Variants in SEMA3E observed in about 807,000 individuals in gnomAD.
SEMA3E encodes semaphorin 3E, also known as semaphorin-3E.
A neutral mutation model predicts 93.6 loss-of-function variants in SEMA3E; 49 were observed. The observed-to-expected ratio is 0.52, with a 90% CI of 0.42 to 0.66. SEMA3E has a LOEUF of 0.66. Ranked by LOEUF, SEMA3E falls within the 30% of genes least tolerant of loss-of-function variation. SEMA3E has a pLI of 0.00. For synonymous variants in SEMA3E, 363 were observed against 330.7 expected (o/e 1.10, Z -1.06); for missense variants, 906 against 964.8 (o/e 0.94, Z 0.81).
intron 4 of SEMA3E, among the ~76,000 whole-genome samples, chr7:83,463,554 C>T (rs1174630213): frequency 6.6e-6 from 1 of 152,142 alleles, no homozygotes; most frequent in Non-Finnish European, 1.5e-5. Flanking sequence ...ACCTGACCCC[C>T]ATGACTGTAT....
intron 15 of SEMA3E, among the ~76,000 whole-genome samples, chr7:83,386,175 G>A (rs1163022410): frequency 6.6e-6 from 1 of 152,030 alleles, no homozygotes; most frequent in East Asian, 1.9e-4. Context: ...TAAGATGAAG[G>A]TCCTACTTTT....
Position 83,367,836 on chromosome 7 carries a change from C to G in SEMA3E, c.2078G>C (p.Arg693Thr). The G allele has an allele frequency of 1.2e-6, 2 of 1,613,696 alleles. No homozygotes were observed. Among genetic ancestry groups the G allele is most frequent in the Non-Finnish European group, 1.7e-6 (2 of 1,179,676 alleles). Reference protein sequence around the residue: ...NKDDEEDRHHRMPCPAQSSIS... With the variant: ...NKDDEEDRHHTMPCPAQSSIS... ...GCTACTCTGAGCAGGACAAGGCATC[C>G]TGTGATGCCTGTCCTCCTCATCGTC... The change falls in exon 17 of 17, where the codon AGG (arginine) becomes ACG (threonine). Residue 693 changes from arginine to threonine, a missense_variant. Arg to Thr is a moderately conservative substitution (Grantham distance 71). Transcript: ENST00000643230.
chr7:83,509,300 A>G (rs956645701), intron 1 of SEMA3E, among the ~76,000 whole-genome samples: 10 of 152,158 alleles, frequency 6.6e-5, no homozygotes, highest in African/African-American at 2.4e-4. Flanking sequence ...GTTTAGGGGT[A>G]GGGGGAAAAC....
intron 1 of SEMA3E, among the ~76,000 whole-genome samples, chr7:83,625,140 G>C (rs917756031): frequency 6.6e-6 from 1 of 151,988 alleles, no homozygotes; most frequent in Non-Finnish European, 1.5e-5. Context: ...TTGCAGTATA[G>C]TTTGAAGTCA....
chr7:83,560,299 G>A (rs1792002054), intron 1 of SEMA3E, among the ~76,000 whole-genome samples: 1 of 152,052 alleles, frequency 6.6e-6, no homozygotes, highest in South Asian at 2.1e-4. Flanking sequence ...GATAAGACGG[G>A]AGGCTACGCA....
chr7:83,518,253 A>G (rs17157692), intron 1 of SEMA3E, among the ~76,000 whole-genome samples: 18,030 of 152,056 alleles, frequency 0.12, 1,399 homozygotes, highest in South Asian at 0.21. Flanking sequence ...GAACACTAAG[A>G]ACTCGACTGA....
rs1794630396 is a variant in SEMA3E, at chr7:83,364,138, C to G, written c.*3448G>C. The G allele has an allele frequency of 6.6e-6, 1 of 151,758 alleles. No individual in the cohort carries two copies. Among genetic ancestry groups the G allele is most frequent in the Admixed American group, 6.6e-5 (1 of 15,236 alleles). The allele number at this position is 151,758 out of a possible 1,614,324, so 9.4% of individuals were successfully genotyped here. A position where few individuals can be genotyped will look rare whatever the true frequency, so the allele number is the denominator to read the frequency against. ...CTCGATCTCCTGACCTCATGATCCA[C>G]CCGCCTCGGCCTCCCAAAGTGCTGG... On this transcript the variant is annotated 3_prime_UTR_variant, in exon 17 of 17. Coordinates refer to ENST00000643230, the MANE Select transcript of SEMA3E (RefSeq NM_012431.3).
intron 1 of SEMA3E, among the ~76,000 whole-genome samples, chr7:83,508,755 G>A (rs1046528364): frequency 1.3e-5 from 2 of 152,020 alleles, no homozygotes; most frequent in African/African-American, 4.8e-5. Context: ...CAAGTATTTA[G>A]CACATTTCTC....
intron 1 of SEMA3E, among the ~76,000 whole-genome samples, chr7:83,530,695 G>A (rs1039579728): frequency 4.6e-5 from 7 of 152,072 alleles, no homozygotes; most frequent in Admixed American, 2.0e-4. Context: ...TGACCAAAAT[G>A]GTGAAACCCC....
In SEMA3E at chr7:83,617,510, A is replaced by ATTTTATATAAG. The variant is rs61059827; in HGVS notation, c.115+30917_115+30918insCTTATATAAAA. ...ATAAATAATATATAATTTTATATAA[A>ATTTTATATAAG]TAATATATAATTTTATATAAATTTT... is the stretch of plus-strand genomic sequence containing the variant. On this transcript the variant is annotated intron_variant, in intron 1 of 16. Coordinates refer to ENST00000643230, the MANE Select transcript of SEMA3E (RefSeq NM_012431.3). Among the ~76,000 whole-genome samples the ATTTTATATAAG allele has an allele frequency of 4.3e-4, 26 of 60,094 alleles. 1 individual carries two copies. Among genetic ancestry groups the ATTTTATATAAG allele is most frequent in the African/African-American group, 6.9e-4 (12 of 17,372 alleles). The allele number at this position is 60,094 out of a possible 152,430, so 39.4% of individuals were successfully genotyped here.
chr7:83,440,782 A>G (rs1789096856), intron 4 of SEMA3E, among the ~76,000 whole-genome samples: 1 of 139,954 alleles, frequency 7.1e-6, no homozygotes. Context: ...AGCCTGAGTG[A>G]CAGAGCAAGA....
rs192862533 is a variant in SEMA3E at position 83,523,906 on chromosome 7, A to T, written c.116-33632T>A. On this transcript the variant is annotated intron_variant, in intron 1 of 16. Coordinates refer to ENST00000643230, the MANE Select transcript of SEMA3E (RefSeq NM_012431.3). The stretch of plus-strand genomic sequence containing the variant: ...CCTAGGACATAGAAAGCCTGGTAAC[A>T]GATATTTTTAAGAAATAAACATTTA... Among the ~76,000 whole-genome samples the T allele has an allele frequency of 1.9e-3, 285 of 152,242 alleles. 4 individuals are homozygous for T. Among genetic ancestry groups the T allele is most frequent in the Admixed American group, 0.014 (220 of 15,254 alleles).
At chr7:83,641,288 G>T in intron 1 of SEMA3E, 2 of 564,068 alleles carry the variant, frequency 3.5e-6, no homozygotes, top group Non-Finnish European at 4.5e-6. Flanking sequence ...CTTGTTGAAT[G>T]CCTACTAAGT....
intron 1 of SEMA3E, among the ~76,000 whole-genome samples, chr7:83,637,040 A>ATGTGTG (rs551927562): frequency 3.4e-5 from 5 of 148,630 alleles, no homozygotes; most frequent in South Asian, 2.1e-4. Flanking sequence ...GTGTGTGTGT[A>ATGTGTG]TGTGTGTGTG....
intron 1 of SEMA3E, among the ~76,000 whole-genome samples, chr7:83,622,595 G>A (rs573931687): frequency 1.6e-4 from 25 of 152,208 alleles, no homozygotes; most frequent in Non-Finnish European, 2.8e-4. Context: ...GCCCATCAAC[G>A]ATAGACTGGA....
At chr7:83,580,060 G>A (rs215296) in intron 1 of SEMA3E, among the ~76,000 whole-genome samples, 64,620 of 151,718 alleles carry the variant, frequency 0.43, 14,810 homozygotes, top group African/African-American at 0.6. Context: ...AATTCCATTA[G>A]AAAAGCGAAC....
intron 1 of SEMA3E, among the ~76,000 whole-genome samples, chr7:83,500,780 G>T (rs888839024): frequency 6.6e-6 from 1 of 151,586 alleles, no homozygotes; most frequent in African/African-American, 2.4e-5. Flanking sequence ...TGGTAGAGAT[G>T]GGGTTTCACC....
intron 14 of SEMA3E, among the ~76,000 whole-genome samples, chr7:83,390,110 CATATATGCGCGTATACGT>C (rs1787983036): frequency 3.6e-5 from 3 of 83,016 alleles, no homozygotes; most frequent in Non-Finnish European, 7.4e-5. Flanking sequence ...TACGTGTGCA[CATATATGCGCGTATACGT>C]GTGCACATAT....
chr7:83,544,478 G>A (rs1034385946), intron 1 of SEMA3E, among the ~76,000 whole-genome samples: 1 of 152,238 alleles, frequency 6.6e-6, no homozygotes, highest in East Asian at 1.9e-4. Flanking sequence ...TCACTGATGA[G>A]AAAGGTTTCT....
Sources: gnomAD v4.1 joint callset for allele counts (sites outside exome capture counted in the v4.1 genomes callset) on GRCh38, gnomAD v4.1.1 for gene constraint, MANE v1.5 for transcripts, NCBI Gene and HGNC (gene_info 2026-07-23, HGNC 2026-07-21) for gene names.